RGS12: variants seen among roughly 807,000 people sequenced by gnomAD.
The protein encoded by RGS12 is regulator of G-protein signaling 12.
RGS12 carries 66 observed loss-of-function variants against 120.1 expected under a neutral mutation model. The observed-to-expected ratio is 0.55, with a 90% CI of 0.45 to 0.67. The LOEUF is 0.67. RGS12 is among the 30% of genes least tolerant of loss of function. RGS12 has a pLI of 0.00. For synonymous variants in RGS12, 827 were observed against 804.7 expected, an observed-to-expected ratio of 1.03 and a Z score of -0.47; for missense variants, 1,859 against 1,957.7, an observed-to-expected ratio of 0.95 and a Z score of 0.95.
At chr4:3,407,330 G>A (rs1226845150) in intron 4 of RGS12, 1 of 152,260 alleles carries the variant, frequency 6.6e-6, no homozygotes, top group Non-Finnish European at 1.5e-5. Flanking sequence ...GTGAGCCTGC[G>A]TGCAGGCAGG....
intron 3 of RGS12, among the ~76,000 whole-genome samples, chr4:3,350,253 C>T (rs769307382): frequency 2.5e-4 from 38 of 152,130 alleles, no homozygotes; most frequent in Non-Finnish European, 4.7e-4. Flanking sequence ...ACTTTTATAA[C>T]CTTAAGACAT....
chr4:3,356,938 G>A (rs2857982), intron 3 of RGS12, among the ~76,000 whole-genome samples: 107,422 of 151,974 alleles, frequency 0.71, 39,740 homozygotes, highest in African/African-American at 0.93. Flanking sequence ...TCATACGGTA[G>A]TCCTATTTTT....
intron 17 of RGS12, among the ~76,000 whole-genome samples, chr4:3,436,446 A>G (rs1253621328): frequency 6.6e-6 from 1 of 151,888 alleles, no homozygotes; most frequent in Non-Finnish European, 1.5e-5. Context: ...GATGATGTGG[A>G]GCATGGAGGC....
At chr4:3,402,410 C>T (rs1294962422) in intron 4 of RGS12, among the ~76,000 whole-genome samples, 1 of 152,212 alleles carries the variant, frequency 6.6e-6, no homozygotes, top group African/African-American at 2.4e-5. Flanking sequence ...CAGGCCCTTC[C>T]TCCTTCCCTG....
chr4:3,416,559 G>A (rs1400057100), intron 7 of RGS12, among the ~76,000 whole-genome samples: 2 of 152,204 alleles, frequency 1.3e-5, no homozygotes, highest in East Asian at 1.9e-4. Flanking sequence ...GCATAGGGTG[G>A]CATTTTCAAA....
chr4:3,425,580 C>T lies in RGS12; in HGVS notation c.3331+20C>T, dbSNP rs768839103. 1.4e-5 allele frequency: 20 copies of T among 1,459,772 alleles called. No individual in the cohort carries two copies. The highest frequency in any genetic ancestry group is 1.1e-4 in the Admixed American group (6 of 52,282). 90.4% of individuals were successfully genotyped at this position (1,459,772 alleles called of 1,614,324 possible). On this transcript the variant is annotated intron_variant, in intron 14 of 17. Coordinates refer to ENST00000336727, the MANE Select transcript of RGS12 (RefSeq NM_001394154.1). ...GAAAGGGTGAGTAGGGCTGGTGCAG[C>T]GGATGGGGAGAGGGTGAGTGGGTCC...
Position 3,312,126 on chromosome 4 carries a change from C to T in RGS12, c.-101-3944C>T, listed in dbSNP as rs1159414745. On this transcript the variant is annotated intron_variant, in intron 1 of 17. Coordinates refer to ENST00000336727, the MANE Select transcript of RGS12 (RefSeq NM_001394154.1). ...GGAGGTGCAGGGGCTTGGGAGCAGGCGTTCTTACTGGTAGCCCCGATGGTG... is the reference window on the plus strand; with the variant it reads ...GGAGGTGCAGGGGCTTGGGAGCAGGTGTTCTTACTGGTAGCCCCGATGGTG... Among the ~76,000 whole-genome samples the T allele has an allele frequency of 3.3e-5, 5 of 152,154 alleles. No homozygotes were observed. The East Asian group carries it at 7.7e-4, about 23-fold the overall frequency.
chr4:3,297,215 A>G (rs570722631), intron 1 of RGS12, among the ~76,000 whole-genome samples: 1 of 152,258 alleles, frequency 6.6e-6, no homozygotes, highest in African/African-American at 2.4e-5. Context: ...CACTCTACTC[A>G]CATATCTTTT....
chr4:3,298,129 C>T (rs1723482488), intron 1 of RGS12, among the ~76,000 whole-genome samples: 1 of 152,150 alleles, frequency 6.6e-6, no homozygotes, highest in Non-Finnish European at 1.5e-5. Context: ...GGCTCTTTTC[C>T]CTCAGTGTTC....
At chr4:3,434,137 G>A (rs1375555599) in intron 17 of RGS12, among the ~76,000 whole-genome samples, 1 of 152,210 alleles carries the variant, frequency 6.6e-6, no homozygotes, top group East Asian at 1.9e-4. Flanking sequence ...TGCATGGCTG[G>A]GGAAGCCTCA....
rs201884194 is a variant in RGS12 at position 3,340,081 on chromosome 4, C to T, written c.1882-2856C>T. On this transcript the variant is annotated intron_variant, in intron 2 of 17. Coordinates refer to ENST00000336727, the MANE Select transcript of RGS12 (RefSeq NM_001394154.1). Reference sequence around the variant, plus strand: ...CCGTTATTGCTGTTGCCGCAACACACGTCTGCATGCCGTACAGGTGCCCTG... The same window carrying T: ...CCGTTATTGCTGTTGCCGCAACACATGTCTGCATGCCGTACAGGTGCCCTG... 1.8e-4 allele frequency among the ~76,000 whole-genome samples: 28 copies of T among 152,388 alleles called. No homozygotes were observed. In the South Asian group the frequency reaches 3.5e-3, roughly 19 times the overall value.
intron 3 of RGS12, among the ~76,000 whole-genome samples, chr4:3,383,972 G>T (rs75297693): frequency 6.6e-6 from 1 of 152,174 alleles, no homozygotes; most frequent in African/African-American, 2.4e-5. Flanking sequence ...ACTTTGTTCG[G>T]CCTGCCAGAT....
intron 4 of RGS12, among the ~76,000 whole-genome samples, chr4:3,400,802 C>CT (rs1443155695): frequency 2.7e-5 from 4 of 148,704 alleles, no homozygotes; most frequent in Non-Finnish European, 4.5e-5. Flanking sequence ...GCACTCATTC[C>CT]TTTTTTACAA....
At chr4:3,339,637 A>T (rs1712840937) in intron 2 of RGS12, among the ~76,000 whole-genome samples, 4 of 152,158 alleles carry the variant, frequency 2.6e-5, no homozygotes, top group African/African-American at 4.8e-5. Context: ...AAAGAAGACA[A>T]AGGCTTTTAA....
intron 4 of RGS12, among the ~76,000 whole-genome samples, chr4:3,398,086 C>T (rs183945558): frequency 3.9e-5 from 6 of 152,258 alleles, no homozygotes; most frequent in African/African-American, 9.6e-5. Context: ...TGAAGTACAT[C>T]GGACAATACC....
chr4:3,322,419 G>A lies in RGS12; in HGVS notation c.1881+4368G>A, dbSNP rs964654002. Among the ~76,000 whole-genome samples the A allele has an allele frequency of 3.3e-5, 5 of 152,322 alleles. No individual in the cohort carries two copies. In the East Asian group the frequency reaches 9.6e-4, roughly 29 times the overall value. On this transcript the variant is annotated intron_variant, in intron 2 of 17. Transcript: ENST00000336727. The stretch of plus-strand genomic sequence containing the variant: ...TAATGTCTGTAGCCAGCACAAGCTG[G>A]TTCTCATGGAGATAAGCATTCAGGC...
In RGS12 at chr4:3,420,359, C is replaced by T. The variant is rs532114974; in HGVS notation, c.2762-283C>T. On this transcript the variant is annotated intron_variant, in intron 9 of 17. Transcript: ENST00000336727. ...TGATTTGTTGGGCACCTGCCATGAG[C>T]CAAGCATGTTTTGGAGCCAGGATGT... 97 of 531,520 alleles carry T rather than the reference C, an allele frequency of 1.8e-4. 1 individual carries two copies. Among genetic ancestry groups the T allele is most frequent in the African/African-American group, 1.7e-3 (88 of 52,470 alleles). 32.9% of individuals were successfully genotyped at this position (531,520 alleles called of 1,614,324 possible).
At chr4:3,388,590 C>T (rs1719112390) in intron 4 of RGS12, among the ~76,000 whole-genome samples, 1 of 152,006 alleles carries the variant, frequency 6.6e-6, no homozygotes, top group Admixed American at 6.5e-5. Flanking sequence ...CACCCCCCAG[C>T]CCTGGGCCTC....
rs577850839 is a variant in RGS12, at chr4:3,432,252, G to T, written c.4114+1297G>T. ...AAATAATAAAAGTATTTTAATCTAG[G>T]GGAAATATCACACATTTTTAGGAGA... On this transcript the variant is annotated intron_variant, in intron 17 of 17. Transcript: ENST00000336727. The T allele has an allele frequency of 3.6e-6, 3 of 824,370 alleles. No individual in the cohort carries two copies. In the African/African-American group the frequency reaches 5.5e-5, roughly 15 times the overall value. 51.1% of individuals were successfully genotyped at this position (824,370 alleles called of 1,614,324 possible).
Sources: gnomAD v4.1 joint callset for allele counts (sites outside exome capture counted in the v4.1 genomes callset) on GRCh38, gnomAD v4.1.1 for gene constraint, MANE v1.5 for transcripts, NCBI Gene and HGNC (gene_info 2026-07-23, HGNC 2026-07-21) for gene names.